PLXNA4: variants seen among roughly 807,000 people sequenced by gnomAD.
PLXNA4 encodes the protein plexin-A4.
Under a neutral mutation model 191.8 loss-of-function variants are expected in PLXNA4, and 44 were observed. The ratio of observed to expected loss-of-function variants is 0.23; its 90% CI spans 0.18 to 0.29. The LOEUF (loss-of-function observed/expected upper bound fraction) is 0.29. Among genes scored for constraint, PLXNA4 ranks in the 10% least tolerant of loss-of-function variants. The pLI, the probability that PLXNA4 is intolerant of heterozygous loss-of-function variation, is 1.00. For missense variants in PLXNA4, 1,800 were observed against 2,488.8 expected, an observed-to-expected ratio of 0.72 and a Z score of 5.89; for synonymous variants, 1,082 against 1,009.5, an observed-to-expected ratio of 1.07 and a Z score of -1.36.
chr7:132,365,360 T>TGTGTGC lies in PLXNA4; in HGVS notation c.1372-67139_1372-67138insGCACAC. Among the ~76,000 whole-genome samples the TGTGTGC allele has an allele frequency of 1.1e-3, 137 of 128,818 alleles. 1 individual carries two copies. The highest frequency in any genetic ancestry group is 2.0e-3 in the African/African-American group (66 of 33,826). The allele number at this position is 128,818 out of a possible 152,430, so 84.5% of individuals were successfully genotyped here. A position where few individuals can be genotyped will look rare whatever the true frequency, so the allele number is the denominator to read the frequency against. On this transcript the variant is annotated intron_variant, in intron 3 of 31. Transcript: ENST00000321063. ...GTGTGTGTGTGTGTGTGTGTGTGTG[T>TGTGTGC]GCGTGCGCGCGCATGCATGGGGCAA...
intron 1 of PLXNA4, among the ~76,000 whole-genome samples, chr7:132,570,176 T>C (rs1563180915): frequency 6.6e-6 from 1 of 152,238 alleles, no homozygotes; most frequent in Non-Finnish European, 1.5e-5. Context: ...TTTTTGCATG[T>C]AATGCCTATT....
intron 2 of PLXNA4, among the ~76,000 whole-genome samples, chr7:132,629,142 T>C (rs1437191800): frequency 6.6e-6 from 1 of 152,206 alleles, no homozygotes; most frequent in Non-Finnish European, 1.5e-5. Flanking sequence ...ATTGTTTTAC[T>C]CAGAGAGGAA....
intron 2 of PLXNA4, among the ~76,000 whole-genome samples, chr7:132,611,058 G>A (rs1803036415): frequency 6.6e-6 from 1 of 152,134 alleles, no homozygotes; most frequent in Non-Finnish European, 1.5e-5. Flanking sequence ...CTCTGAGACT[G>A]GCAAGTGAGC....
chr7:132,589,211 A>G (rs1653343398), intron 2 of PLXNA4, among the ~76,000 whole-genome samples: 1 of 152,210 alleles, frequency 6.6e-6, no homozygotes, highest in South Asian at 2.1e-4. Context: ...GTAAACAAAT[A>G]GCTGTAGTAG....
chr7:132,413,696 T>A (rs1392452324), intron 3 of PLXNA4, among the ~76,000 whole-genome samples: 2 of 152,224 alleles, frequency 1.3e-5, no homozygotes, highest in Non-Finnish European at 2.9e-5. Context: ...ATGCCCTCTT[T>A]TACTTTTTAA....
rs1435135016 is a variant in PLXNA4, at chr7:132,241,184, G to A, written c.1504-18C>T. ...CTGGTGAGCTAGGACAGCAGGATAG[G>A]GAGAAGGTGGTCAAGATTTTGCAGA... On this transcript the variant is annotated intron_variant, in intron 4 of 31. Transcript: ENST00000321063. 1.3e-6 allele frequency: 2 copies of A among 1,591,614 alleles called. No homozygotes were observed. The highest frequency in any genetic ancestry group is 1.1e-5 in the South Asian group (1 of 89,236).
chr7:132,549,340 G>A (rs943883513), intron 1 of PLXNA4, among the ~76,000 whole-genome samples: 9 of 152,070 alleles, frequency 5.9e-5, no homozygotes, highest in South Asian at 2.1e-4. Context: ...GGAATCCCAG[G>A]GAACCTAATT....
intron 3 of PLXNA4, among the ~76,000 whole-genome samples, chr7:132,428,899 AG>A (rs1344426498): frequency 5.9e-5 from 9 of 152,164 alleles, no homozygotes; most frequent in Admixed American, 4.6e-4. Context: ...GAGTCCAAAC[AG>A]GGACCAATGT....
intron 3 of PLXNA4, among the ~76,000 whole-genome samples, chr7:132,485,462 T>G (rs1797518933): frequency 1.3e-5 from 2 of 152,088 alleles, no homozygotes; most frequent in Non-Finnish European, 2.9e-5. Flanking sequence ...AAATGATCGC[T>G]TAGTGAAAGG....
At chr7:132,566,778 C>A (rs1276315466) in intron 1 of PLXNA4, among the ~76,000 whole-genome samples, 1 of 152,116 alleles carries the variant, frequency 6.6e-6, no homozygotes, top group Non-Finnish European at 1.5e-5. Flanking sequence ...AAATATACAC[C>A]TGAAGGCAGA....
chr7:132,498,412 C>T (rs908545300), intron 2 of PLXNA4, among the ~76,000 whole-genome samples: 3 of 152,102 alleles, frequency 2.0e-5, no homozygotes, highest in Non-Finnish European at 2.9e-5. Flanking sequence ...ACACGGATGG[C>T]AGCAGGCAAA....
In PLXNA4 at chr7:132,130,315, G is replaced by T. The variant is rs943894176; in HGVS notation, c.*164C>A. ...AGCAACTGGAAGAGAAGAGATCCAG[G>T]AAGGAGGGAGAAACGGAAAGAGGCA... On this transcript the variant is annotated 3_prime_UTR_variant, in exon 32 of 32. Coordinates refer to ENST00000321063, the MANE Select transcript of PLXNA4 (RefSeq NM_020911.2). 8.3e-6 allele frequency: 8 copies of T among 968,644 alleles called. No homozygotes were observed. The highest frequency in any genetic ancestry group is 1.1e-5 in the Non-Finnish European group (7 of 660,940). The allele number at this position is 968,644 out of a possible 1,614,324, so 60.0% of individuals were successfully genotyped here. A position where few individuals can be genotyped will look rare whatever the true frequency, so the allele number is the denominator to read the frequency against.
rs763670879 is a variant in PLXNA4 at position 132,133,125 on chromosome 7, C to T, written c.5513G>A (p.Arg1838Gln). The change falls in exon 31 of 32, where the codon CGG becomes CAG. Residue 1838 changes from arginine (R) to glutamine (Q), a missense_variant. Physicochemically the swap from Arg to Gln is conservative, Grantham distance 43. This residue lies in a region of PLXNA4 where 83 missense variants were observed against 81.6 expected (regional missense o/e 1.02). Coordinates refer to ENST00000321063, the MANE Select transcript of PLXNA4 (RefSeq NM_020911.2). ...DMNAYLAEQS[R>Q]MHMNEFNTMS... ...GGTGTTGAACTCATTCATGTGCATCCGGGACTGCTCAGCCAGGTATGCGTT... is the reference window on the plus strand; with the variant it reads ...GGTGTTGAACTCATTCATGTGCATCTGGGACTGCTCAGCCAGGTATGCGTT... 1.2e-5 allele frequency: 19 copies of T among 1,614,028 alleles called. No homozygotes were observed. The highest frequency in any genetic ancestry group is 2.2e-5 in the East Asian group (1 of 44,890).
chr7:132,466,910 G>A (rs1188483012), intron 3 of PLXNA4, among the ~76,000 whole-genome samples: 2 of 152,194 alleles, frequency 1.3e-5, no homozygotes, highest in Admixed American at 6.5e-5. Flanking sequence ...TGGGTGATTA[G>A]AGGAGACTCC....
At chr7:132,157,019 C>T (rs1795819347) in intron 25 of PLXNA4, among the ~76,000 whole-genome samples, 1 of 152,114 alleles carries the variant, frequency 6.6e-6, no homozygotes, top group Non-Finnish European at 1.5e-5. Context: ...AGAGGGGGGC[C>T]CTGAGGTTCA....
rs763154480 is a variant in PLXNA4 at position 132,313,582 on chromosome 7, G to A, written c.1372-15360C>T. On this transcript the variant is annotated intron_variant, in intron 3 of 31. Transcript: ENST00000321063. Reference sequence around the variant, plus strand: ...CAAGGAGCAAGTTGAAGGGAATGCCGTGTGGGTGGAAAGAAGAAGTGCGGG... The same window carrying A: ...CAAGGAGCAAGTTGAAGGGAATGCCATGTGGGTGGAAAGAAGAAGTGCGGG... Among the ~76,000 whole-genome samples, 12 of 152,180 alleles carry A rather than the reference G, an allele frequency of 7.9e-5. No homozygotes were observed. The East Asian group carries it at 1.7e-3, about 22-fold the overall frequency.
intron 1 of PLXNA4, among the ~76,000 whole-genome samples, chr7:132,555,991 T>TAG (rs1256654425): frequency 6.6e-6 from 1 of 152,242 alleles, no homozygotes; most frequent in African/African-American, 2.4e-5. Flanking sequence ...CTGGCAAGCC[T>TAG]AGAGCCCTCT....
chr7:132,159,297 C>T (rs1323912361), intron 25 of PLXNA4, among the ~76,000 whole-genome samples, 176 bp downstream of exon 25: 1 of 152,154 alleles, frequency 6.6e-6, no homozygotes, highest in African/African-American at 2.4e-5. Context: ...CAATTCCAAG[C>T]AGGCCAGGAA....
chr7:132,313,520 G>A (rs1357172439), intron 3 of PLXNA4, among the ~76,000 whole-genome samples: 1 of 152,152 alleles, frequency 6.6e-6, no homozygotes, highest in Non-Finnish European at 1.5e-5. Flanking sequence ...ACAAACTCTG[G>A]ATTGTCACAC....
Sources: gnomAD v4.1 joint callset for allele counts (sites outside exome capture counted in the v4.1 genomes callset) on GRCh38, gnomAD v4.1.1 for gene constraint, gnomAD v4.1.1 regional missense constraint, MANE v1.5 for transcripts, NCBI Gene and HGNC (gene_info 2026-07-23, HGNC 2026-07-21) for gene names.